PRKCB: variants seen among roughly 807,000 people sequenced by gnomAD.
The protein encoded by PRKCB is protein kinase C beta, also known as protein kinase C beta type.
A neutral mutation model predicts 81.5 loss-of-function variants in PRKCB; 13 were observed. The ratio of observed to expected loss-of-function variants is 0.16; its 90% CI spans 0.10 to 0.25. The LOEUF (loss-of-function observed/expected upper bound fraction) is 0.25. PRKCB is among the 10% of genes least tolerant of loss of function. PRKCB has a pLI of 1.00. For missense variants in PRKCB, 509 were observed against 875.7 expected (o/e 0.58, Z 5.29); for synonymous variants, 335 against 321.4 (o/e 1.04, Z -0.45).
At chr16:24,176,419 A>G (rs1967532469) in intron 12 of PRKCB, among the ~76,000 whole-genome samples, 1 of 152,196 alleles carries the variant, frequency 6.6e-6, no homozygotes, top group Admixed American at 6.5e-5. Flanking sequence ...TCTCTAAAAA[A>G]AGAAGAATTT....
intron 3 of PRKCB, among the ~76,000 whole-genome samples, chr16:23,990,911 A>G (rs1460089095): frequency 2.6e-5 from 4 of 152,208 alleles, no homozygotes; most frequent in Non-Finnish European, 5.9e-5. Flanking sequence ...CACCATGCAC[A>G]GTCTTTCATT....
At chr16:24,115,891 A>G (rs1181836162) in intron 8 of PRKCB, among the ~76,000 whole-genome samples, 1 of 151,790 alleles carries the variant, frequency 6.6e-6, no homozygotes, top group Non-Finnish European at 1.5e-5. Flanking sequence ...ACGCCTGCCT[A>G]ATTTTTTGTA....
intron 2 of PRKCB, among the ~76,000 whole-genome samples, chr16:23,874,541 A>G (rs1020574017): frequency 6.7e-6 from 1 of 150,164 alleles, no homozygotes; most frequent in African/African-American, 2.5e-5. Context: ...GTACCCACAC[A>G]GGCCTAGCAT....
chr16:23,915,320 A>G (rs1010396169), intron 2 of PRKCB, among the ~76,000 whole-genome samples: 3 of 152,148 alleles, frequency 2.0e-5, no homozygotes, highest in African/African-American at 4.8e-5. Context: ...CCTCCAAATA[A>G]GGAATTCACC....
intron 9 of PRKCB, chr16:24,151,841 A>G (rs1050168295): frequency 4.4e-6 from 2 of 455,950 alleles, no homozygotes; most frequent in Non-Finnish European, 8.8e-6. Context: ...CAGTGTGTTT[A>G]TCTACGAAAT....
intron 9 of PRKCB, among the ~76,000 whole-genome samples, chr16:24,141,346 C>T (rs1281925380): frequency 6.6e-6 from 1 of 152,122 alleles, no homozygotes; most frequent in Admixed American, 6.5e-5. Flanking sequence ...AAGCATGCAC[C>T]ACCATGCCTG....
intron 2 of PRKCB, among the ~76,000 whole-genome samples, chr16:23,858,432 G>A (rs1284735440): frequency 1.3e-5 from 2 of 152,164 alleles, no homozygotes; most frequent in East Asian, 1.9e-4. Flanking sequence ...ATGGTGATAA[G>A]GCCCATCTCT....
chr16:24,020,984 C>CTTTCTTTCTTTCTTTCT lies in PRKCB; in HGVS notation c.289-11149_289-11133dup, dbSNP rs1567346603. On this transcript the variant is annotated intron_variant, in intron 3 of 16. Transcript: ENST00000643927. ...CTGAGAGAGACTTTTCTTTTTCTTT[C>CTTTCTTTCTTTCTTTCT]TTTCTTTCTTTCTTTCTTTCTTTCT... Among the ~76,000 whole-genome samples, 4 of 110,542 alleles carry CTTTCTTTCTTTCTTTCT rather than the reference C, an allele frequency of 3.6e-5. No individual in the cohort carries two copies. The East Asian group carries it at 9.2e-4, about 25-fold the overall frequency. 72.5% of individuals were successfully genotyped at this position (110,542 alleles called of 152,430 possible).
chr16:23,903,899 A>G (rs1010038745), intron 2 of PRKCB, among the ~76,000 whole-genome samples: 3 of 152,188 alleles, frequency 2.0e-5, no homozygotes, highest in African/African-American at 7.2e-5. Flanking sequence ...CCACTGCTCC[A>G]TCCTCTGGTG....
At chr16:24,169,236 C>T (rs1596579914) in intron 10 of PRKCB, among the ~76,000 whole-genome samples, 2 of 152,082 alleles carry the variant, frequency 1.3e-5, no homozygotes, top group Non-Finnish European at 2.9e-5. Context: ...CCTGCTGCCT[C>T]GAGGATCACC....
intron 9 of PRKCB, among the ~76,000 whole-genome samples, chr16:24,147,526 T>C (rs1270901023): frequency 6.6e-6 from 1 of 152,034 alleles, no homozygotes; most frequent in African/African-American, 2.4e-5. Context: ...GCCAAGCAAA[T>C]GTTAGTGGTT....
At chr16:23,984,234 T>C (rs990370274) in intron 2 of PRKCB, among the ~76,000 whole-genome samples, 3 of 152,176 alleles carry the variant, frequency 2.0e-5, no homozygotes, top group African/African-American at 7.2e-5. Context: ...CATGATATGG[T>C]TGGCATGGTT....
chr16:24,052,348 G>T (rs1038107489), intron 5 of PRKCB, among the ~76,000 whole-genome samples: 24 of 152,168 alleles, frequency 1.6e-4, no homozygotes. Context: ...ACCAGAAAGG[G>T]ATCCCGATCC....
chr16:24,113,515 C>T (rs1344220527), intron 8 of PRKCB, among the ~76,000 whole-genome samples: 5 of 145,706 alleles, frequency 3.4e-5, no homozygotes, highest in African/African-American at 1.3e-4. Context: ...CCTTCTTTCC[C>T]TCCTTCCTCC....
At chr16:23,992,979 C>A (rs543618626) in intron 3 of PRKCB, among the ~76,000 whole-genome samples, 1 of 152,042 alleles carries the variant, frequency 6.6e-6, no homozygotes. Context: ...GCCTTTCCAT[C>A]TTGTCTAAGG....
intron 5 of PRKCB, among the ~76,000 whole-genome samples, chr16:24,079,393 C>G (rs1191860330): frequency 6.6e-6 from 1 of 152,208 alleles, no homozygotes; most frequent in African/African-American, 2.4e-5. Context: ...CGCGTTGTGT[C>G]TAGTTCCAGT....
In PRKCB at chr16:23,984,855, C is replaced by T. The variant is rs554377755; in HGVS notation, c.206-3653C>T. Among the ~76,000 whole-genome samples the T allele has an allele frequency of 3.9e-5, 6 of 151,926 alleles. 1 individual carries two copies. The East Asian group carries it at 9.7e-4, about 24-fold the overall frequency. On this transcript the variant is annotated intron_variant, in intron 2 of 16. Coordinates refer to ENST00000643927, the MANE Select transcript of PRKCB (RefSeq NM_002738.7). ...AGCTGGGGAAAGCTCAGGGATGGGG[C>T]GAGACTATGCTGTCATCCCTTTACT...
intron 2 of PRKCB, among the ~76,000 whole-genome samples, chr16:23,981,480 C>T (rs1234541311): frequency 1.3e-5 from 2 of 151,816 alleles, no homozygotes; most frequent in African/African-American, 4.8e-5. Context: ...GATTAGGACA[C>T]GGATATCTGG....
chr16:24,002,031 T>A (rs1965041149), intron 3 of PRKCB, among the ~76,000 whole-genome samples: 1 of 152,140 alleles, frequency 6.6e-6, no homozygotes, highest in South Asian at 2.1e-4. Context: ...TTATTTGTGG[T>A]TTCTCATGAT....
Sources: allele counts gnomAD v4.1 joint callset (sites outside exome capture counted in the v4.1 genomes callset), GRCh38; gene constraint gnomAD v4.1.1; transcripts MANE v1.5; gene names NCBI Gene and HGNC (gene_info 2026-07-23, HGNC 2026-07-21).